Variants in RBFOX1 observed in about 807,000 individuals in gnomAD.
RBFOX1 encodes the protein RNA binding fox-1 homolog 1.
RBFOX1 carries 8 observed loss-of-function variants against 57.7 expected under a neutral mutation model. That is an observed-to-expected ratio of 0.14 (90% confidence interval 0.08 to 0.25). The LOEUF is 0.25. Among genes scored for constraint, RBFOX1 ranks in the 10% least tolerant of loss-of-function variants. RBFOX1 has a pLI of 1.00. For synonymous variants in RBFOX1, 326 were observed against 222.4 expected (o/e 1.47, Z -4.15); for missense variants, 611 against 548.5 (o/e 1.11, Z -1.14).
intron 4 of RBFOX1, among the ~76,000 whole-genome samples, chr16:7,489,847 C>G (rs996788226): frequency 4.6e-5 from 7 of 152,014 alleles, no homozygotes; most frequent in Admixed American, 4.6e-4. Flanking sequence ...CTTTAATCCA[C>G]ACTTTCGCAC....
chr16:6,859,702 G>A (rs968751756), intron 3 of RBFOX1, among the ~76,000 whole-genome samples: 4 of 152,074 alleles, frequency 2.6e-5, no homozygotes, highest in Admixed American at 1.3e-4. Context: ...ATCGACTACG[G>A]TATCAGCAAA....
chr16:6,988,014 C>T (rs1218982026), intron 3 of RBFOX1, among the ~76,000 whole-genome samples: 1 of 151,838 alleles, frequency 6.6e-6, no homozygotes, highest in Non-Finnish European at 1.5e-5. Flanking sequence ...GGTTATGTTT[C>T]TGGTGAAAAA....
At chr16:5,966,251 T>C (rs948751920) in intron 4 of RBFOX1, among the ~76,000 whole-genome samples, 37 of 152,108 alleles carry the variant, frequency 2.4e-4, no homozygotes, top group African/African-American at 8.5e-4. Context: ...TGTGCTGCTG[T>C]AAAGAAATAC....
Position 5,551,515 on chromosome 16 carries a change from A to C in RBFOX1, c.259-47387A>C, listed in dbSNP as rs373345212. 3.0e-4 allele frequency among the ~76,000 whole-genome samples: 46 copies of C among 152,296 alleles called. No homozygotes were observed. The East Asian group carries it at 6.6e-3, about 22-fold the overall frequency. The stretch of plus-strand genomic sequence containing the variant: ...AGGTTATTTAGGAATAGATTTACAA[A>C]GTGCCTCCGAATCCACTCTGCTTTG... On this transcript the variant is annotated intron_variant, in intron 2 of 2. Transcript: ENST00000585867.
At chr16:7,104,303 C>A (rs1237409464) in intron 4 of RBFOX1, among the ~76,000 whole-genome samples, 1 of 152,102 alleles carries the variant, frequency 6.6e-6, no homozygotes, top group African/African-American at 2.4e-5. Context: ...GGATATAAGA[C>A]AGTCCTGTTA....
chr16:5,876,908 G>C (rs2057626812), intron 4 of RBFOX1, among the ~76,000 whole-genome samples: 1 of 152,182 alleles, frequency 6.6e-6, no homozygotes, highest in Admixed American at 6.5e-5. Flanking sequence ...CAGTGGTGGG[G>C]CTTTCATGGA....
At chr16:7,348,232 A>C (rs1000142847) in intron 4 of RBFOX1, among the ~76,000 whole-genome samples, 3 of 152,190 alleles carry the variant, frequency 2.0e-5, no homozygotes, top group African/African-American at 7.2e-5. Flanking sequence ...GCTACCCAAA[A>C]ATGCCTACTA....
chr16:6,672,579 G>C lies in RBFOX1; in HGVS notation c.-16+17929G>C, dbSNP rs1199376712. ...AAAGAAAAGAAAGAGAAGAAATTCT[G>C]TTTATGTGACAGAATCTTAAACAAG... On this transcript the variant is annotated intron_variant, in intron 3 of 15. Coordinates refer to ENST00000550418, the MANE Select transcript of RBFOX1 (RefSeq NM_018723.4). Among the ~76,000 whole-genome samples, 8 of 152,122 alleles carry C rather than the reference G, an allele frequency of 5.3e-5. No homozygotes were observed. The East Asian group carries it at 1.5e-3, about 29-fold the overall frequency.
chr16:6,110,877 C>T (rs2096439048), intron 1 of RBFOX1, among the ~76,000 whole-genome samples: 1 of 152,180 alleles, frequency 6.6e-6, no homozygotes, highest in Admixed American at 6.5e-5. Context: ...CAGCCCCCAC[C>T]ACAAAGAATT....
chr16:5,550,194 G>A (rs532334062), intron 2 of RBFOX1, among the ~76,000 whole-genome samples: 53 of 152,320 alleles, frequency 3.5e-4, no homozygotes, highest in African/African-American at 1.3e-3. Context: ...GTGTGGAGAA[G>A]CTTTCTAAAG....
rs367788872 is a variant in RBFOX1 at position 6,944,879 on chromosome 16, T to A, written c.-15-107178T>A. The stretch of plus-strand genomic sequence containing the variant: ...ACTCCAATTGATTGATGATGGCTGA[T>A]TCGTGGGTAGCTATGAATTTGCAGC... On this transcript the variant is annotated intron_variant, in intron 3 of 15. Transcript: ENST00000550418. Among the ~76,000 whole-genome samples, 4 of 152,166 alleles carry A rather than the reference T, an allele frequency of 2.6e-5. No homozygotes were observed. The South Asian group carries it at 8.3e-4, about 32-fold the overall frequency.
chr16:6,092,823 C>T (rs1358855076), intron 1 of RBFOX1: 1 of 152,118 alleles, frequency 6.6e-6, no homozygotes. Flanking sequence ...AGTTGGGTAA[C>T]TTGATGGTTA....
At chr16:6,633,614 A>C (rs1567968452) in intron 2 of RBFOX1, among the ~76,000 whole-genome samples, 1 of 152,100 alleles carries the variant, frequency 6.6e-6, no homozygotes, top group Non-Finnish European at 1.5e-5. Flanking sequence ...GAGTCTTTAA[A>C]TCAACAGACT....
At chr16:6,865,192 G>A (rs1014529104) in intron 3 of RBFOX1, among the ~76,000 whole-genome samples, 6 of 151,692 alleles carry the variant, frequency 4.0e-5, no homozygotes, top group African/African-American at 1.2e-4. Context: ...TAGTAGAGAT[G>A]GGGTTTTGCC....
intron 1 of RBFOX1, among the ~76,000 whole-genome samples, chr16:5,367,931 C>T (rs530857643): frequency 6.6e-6 from 1 of 152,202 alleles, no homozygotes; most frequent in African/African-American, 2.4e-5. Flanking sequence ...ACACCTCATG[C>T]ACTTGACCTT....
chr16:7,490,401 C>G (rs1348173679), intron 4 of RBFOX1, among the ~76,000 whole-genome samples: 1 of 152,174 alleles, frequency 6.6e-6, no homozygotes, highest in African/African-American at 2.4e-5. Context: ...CTTGTAGCTA[C>G]TCACTAGAGT....
At chr16:5,810,733 C>T (rs1223407100) in intron 3 of RBFOX1, among the ~76,000 whole-genome samples, 1 of 152,216 alleles carries the variant, frequency 6.6e-6, no homozygotes, top group Non-Finnish European at 1.5e-5. Flanking sequence ...ACTAAGACCT[C>T]ATAGCTTCCT....
At chr16:5,788,553 C>T (rs1162170572) in intron 3 of RBFOX1, among the ~76,000 whole-genome samples, 15 of 152,058 alleles carry the variant, frequency 9.9e-5, no homozygotes, top group African/African-American at 3.1e-4. Flanking sequence ...TGCTTGAACC[C>T]GGGAGGCAGA....
chr16:7,259,039 C>A (rs2094811989), intron 4 of RBFOX1, among the ~76,000 whole-genome samples: 1 of 152,160 alleles, frequency 6.6e-6, no homozygotes, highest in Non-Finnish European at 1.5e-5. Context: ...ATCACGTCTA[C>A]CTTTGAGAAA....
Sources: allele counts gnomAD v4.1 joint callset (sites outside exome capture counted in the v4.1 genomes callset), GRCh38; gene constraint gnomAD v4.1.1; transcripts MANE v1.5; gene names NCBI Gene and HGNC (gene_info 2026-07-23, HGNC 2026-07-21).